Variants in PKD1L1 observed in about 807,000 individuals in gnomAD.
PKD1L1 encodes polycystin 1 like 1, transient receptor potential channel interacting.
In PKD1L1, 236 loss-of-function variants were observed where a neutral mutation model predicts 323.4. The observed-to-expected ratio is 0.73, with a 90% CI of 0.66 to 0.81. PKD1L1 has a LOEUF of 0.81. Ranked by LOEUF, PKD1L1 falls within the 40% of genes least tolerant of loss-of-function variation. PKD1L1 has a pLI of 0.00. For synonymous variants in PKD1L1, 1,344 were observed against 1,335.0 expected, an observed-to-expected ratio of 1.01 and a Z score of -0.15; for missense variants, 3,320 against 3,508.0, an observed-to-expected ratio of 0.95 and a Z score of 1.35.
chr7:47,952,915 T>C (rs189388448), upstream of PKD1L1, among the ~76,000 whole-genome samples: 4 of 152,298 alleles, frequency 2.6e-5, no homozygotes, highest in East Asian at 1.9e-4. Context: ...GTGCTTTCCA[T>C]TGGCTTCAAA....
At chr7:47,813,053 C>T (rs1784934790) in intron 49 of PKD1L1, 68 bp downstream of exon 49, 3 of 1,562,060 alleles carry the variant, frequency 1.9e-6, no homozygotes, top group African/African-American at 2.7e-5. Flanking sequence ...GCGCTGCGTC[C>T]AGCAGGCACC....
At chr7:47,896,548 G>A (rs1349926454) in intron 14 of PKD1L1, among the ~76,000 whole-genome samples, 1 of 151,682 alleles carries the variant, frequency 6.6e-6, no homozygotes, top group African/African-American at 2.4e-5. Flanking sequence ...TGTTTGGGGG[G>A]GACTTAGGAT....
At chr7:47,873,792 T>C in intron 24 of PKD1L1, 107 bp downstream of exon 24, 1 of 741,782 alleles carries the variant, frequency 1.3e-6, no homozygotes, top group Non-Finnish European at 2.2e-6. Flanking sequence ...CTTAAGAAGA[T>C]GAGTTCCTGA....
rs759877136 is a variant in PKD1L1, at chr7:47,814,031, G to T, written c.7090-17C>A. 2.7e-5 allele frequency: 43 copies of T among 1,608,150 alleles called. No homozygotes were observed. Among genetic ancestry groups the T allele is most frequent in the African/African-American group, 1.3e-5 (1 of 74,852 alleles). On this transcript the variant is annotated splice_polypyrimidine_tract_variant and intron_variant, in intron 47 of 56. Coordinates refer to ENST00000289672, the MANE Select transcript of PKD1L1 (RefSeq NM_138295.5). ...AGCTCCAGGCTGAAAGGAGAAAAAA[G>T]ATGATGAGGACTGGGTGTGCTGTGG...
intron 24 of PKD1L1, among the ~76,000 whole-genome samples, chr7:47,871,979 A>G (rs1230786531): frequency 1.3e-5 from 2 of 152,226 alleles, no homozygotes; most frequent in African/African-American, 4.8e-5. Context: ...AGAAAGAAGC[A>G]AAGCTATCTC....
intron 21 of PKD1L1, among the ~76,000 whole-genome samples, chr7:47,879,627 T>C (rs190300526): frequency 0.27 from 28,797 of 104,822 alleles, 5,223 homozygotes; most frequent in African/African-American, 0.46. Context: ...AGCAAGACTT[T>C]GTCTCAAAAA....
At chr7:47,856,641 C>T (rs1010666944) in intron 28 of PKD1L1, among the ~76,000 whole-genome samples, 9 of 152,304 alleles carry the variant, frequency 5.9e-5, no homozygotes, top group Non-Finnish European at 1.3e-4. Context: ...GGTTTACTCA[C>T]TGCATCTCCA....
chr7:47,897,987 C>A lies in PKD1L1; in HGVS notation c.2271+1G>T. 1 of 1,601,144 alleles carries A rather than the reference C, an allele frequency of 6.2e-7. No homozygotes were observed. Among genetic ancestry groups the A allele is most frequent in the Non-Finnish European group, 8.5e-7 (1 of 1,173,104 alleles). Reference sequence around the variant, plus strand: ...GTAGAGCAGTAAGTCAGCCAGCTGACCTTGGCAAGGGCAGTGTAGTTCCCA... The same window carrying A: ...GTAGAGCAGTAAGTCAGCCAGCTGAACTTGGCAAGGGCAGTGTAGTTCCCA... On this transcript the variant is annotated splice_donor_variant, in intron 14 of 56. Coordinates refer to ENST00000289672, the MANE Select transcript of PKD1L1 (RefSeq NM_138295.5). LOFTEE classifies it high-confidence loss of function.
At chr7:47,835,966 C>T (rs4543454) in intron 37 of PKD1L1, among the ~76,000 whole-genome samples, 51,700 of 152,042 alleles carry the variant, frequency 0.34, 9,875 homozygotes, top group East Asian at 0.61. Context: ...AGGCATCAAC[C>T]CACAAGGTAC....
At chr7:47,893,757 T>C in intron 15 of PKD1L1, 121 bp downstream of exon 15, 1 of 1,050,712 alleles carries the variant, frequency 9.5e-7, no homozygotes, top group Non-Finnish European at 1.4e-6. Flanking sequence ...GCAGTTAAAC[T>C]TAACGAAAGT....
Position 47,834,979 on chromosome 7 carries a change from C to T in PKD1L1, c.6115G>A (p.Glu2039Lys), listed in dbSNP as rs771792457. 6.1e-5 allele frequency: 98 copies of T among 1,613,492 alleles called. No homozygotes were observed. The highest frequency in any genetic ancestry group is 5.9e-4 in the South Asian group (54 of 91,012). The change falls in exon 39 of 57, where the codon GAG (glutamate) becomes AAG (lysine). Residue 2039 changes from glutamate to lysine, a missense_variant. By Grantham distance (56) the Glu-to-Lys change is moderately conservative. Transcript: ENST00000289672. ...AATGTACATTTACCATGGGGTGCCT[C>T]GGTCTGTGCTCCTCCTCTAAGTGGG... ...HSPLRGGAQT[E>K]APHGPNSWGR...
chr7:47,935,411 G>A (rs79266901), intron 4 of PKD1L1, among the ~76,000 whole-genome samples: 2,983 of 152,140 alleles, frequency 0.02, 48 homozygotes, highest in East Asian at 0.074. Context: ...AGACAAATCC[G>A]GCCATAAAAG....
intron 28 of PKD1L1, among the ~76,000 whole-genome samples, chr7:47,857,341 G>C (rs1046336454): frequency 1.3e-5 from 2 of 152,162 alleles, no homozygotes; most frequent in Non-Finnish European, 2.9e-5. Flanking sequence ...GGATTAGAAG[G>C]CCTCAAGGAA....
intron 30 of PKD1L1, 139 bp downstream of exon 30, chr7:47,854,743 T>C (rs770453748): frequency 6.4e-5 from 70 of 1,089,424 alleles, no homozygotes; most frequent in Non-Finnish European, 8.4e-5. Context: ...AACAGCAGAA[T>C]AGATAACAAT....
chr7:47,951,264 C>A (rs1430805977), upstream of PKD1L1, among the ~76,000 whole-genome samples: 3 of 152,146 alleles, frequency 2.0e-5, no homozygotes, highest in African/African-American at 7.2e-5. Flanking sequence ...CAAGAAAAAT[C>A]ATTTCTTTGC....
intron 2 of PKD1L1, among the ~76,000 whole-genome samples, chr7:47,943,161 AAAATATATATATATATAT>A (rs1405088439): frequency 8.2e-5 from 7 of 85,042 alleles, no homozygotes; most frequent in East Asian, 3.2e-4. Context: ...AAAAAAAAAA[AAAATATATATATATATAT>A]ATATATATAT....
chr7:47,857,555 G>C, intron 28 of PKD1L1, 50 bp downstream of exon 28: 2 of 1,518,822 alleles, frequency 1.3e-6, no homozygotes, highest in Non-Finnish European at 1.8e-6. Context: ...CCCAATTACT[G>C]CAAATTTGAA....
In PKD1L1 at chr7:47,946,763, TC is replaced by T. The variant is rs1788105708; in HGVS notation, c.44+1633del. ...CTTCTGTTTCTATGAACAAGATCAG[TC>T]ACTGTCTTGCTTTAGGTGACTCAGG... On this transcript the variant is annotated intron_variant, in intron 1 of 56. Transcript: ENST00000289672. The surrounding 1 kb of genome is among the most constrained non-coding windows in gnomAD (Gnocchi z 4.1). Among the ~76,000 whole-genome samples, 1 of 152,128 alleles carries T rather than the reference TC, an allele frequency of 6.6e-6. No homozygotes were observed. Among genetic ancestry groups the T allele is most frequent in the Non-Finnish European group, 1.5e-5 (1 of 68,026 alleles).
intron 50 of PKD1L1, among the ~76,000 whole-genome samples, chr7:47,809,955 C>T (rs1291580151): frequency 6.6e-6 from 1 of 152,184 alleles, no homozygotes; most frequent in Non-Finnish European, 1.5e-5. Flanking sequence ...AAATAGATAA[C>T]ATATGAACTA....
Sources: allele counts gnomAD v4.1 joint callset (sites outside exome capture counted in the v4.1 genomes callset), GRCh38; gene constraint gnomAD v4.1.1; non-coding constraint Gnocchi (gnomAD v3.1); transcripts MANE v1.5; gene names NCBI Gene and HGNC (gene_info 2026-07-23, HGNC 2026-07-21).